The following NLRC3 variants were observed in gnomAD, a reference collection of about 807,000 sequenced individuals.
NLRC3 encodes NLR family CARD domain-containing protein 3.
NLRC3 carries 87 observed loss-of-function variants against 91.6 expected under a neutral mutation model. The observed-to-expected ratio is 0.95, with a 90% CI of 0.80 to 1.14. NLRC3 has a LOEUF of 1.14. NLRC3 is among the 50% of genes most tolerant of loss of function. The pLI is 0.00. For missense variants in NLRC3, 1,577 were observed against 1,418.6 expected (o/e 1.11, Z -1.79); for synonymous variants, 694 against 625.3 (o/e 1.11, Z -1.64).
At chr16:3,548,350 C>T in intron 14 of NLRC3, 132 bp from the exon 15 acceptor site, 4 of 736,652 alleles carry the variant, frequency 5.4e-6, no homozygotes, top group South Asian at 5.0e-5. Flanking sequence ...CAACCCCTGC[C>T]CAGACTTAGT....
At position 3,542,194 on chromosome 16, in the gene NLRC3, A is replaced by G. The variant is rs1407922012; in HGVS notation, c.3104T>C (p.Ile1035Thr). Residue 1035 changes from isoleucine (I) to threonine (T), a missense_variant, in exon 19 of 20, where the codon ATC becomes ACC. By Grantham distance (89) the Ile-to-Thr change is moderately conservative (BLOSUM62 -1). Transcript: ENST00000359128. ...ALSGNHRLQH[I>T]NLQGNHIGDS... The stretch of plus-strand genomic sequence containing the variant: ...CAGGAAGGGCAGGTGCACTCACTTG[A>G]TATGCTGGAGCCTGTGGTTTCCAGA... The G allele has an allele frequency of 1.3e-6, 2 of 1,577,258 alleles. No individual in the cohort carries two copies. Among genetic ancestry groups the G allele is most frequent in the Non-Finnish European group, 1.7e-6 (2 of 1,159,128 alleles).
In NLRC3 at chr16:3,541,906, T is replaced by A. The variant is rs749880517; in HGVS notation, c.3117A>T (p.Gly1039=). ...NHRLQHINLQ[G]NHIGDSGARM... is the part of the protein sequence containing the mutation. ...TGGCCCCGGAGTCCCCAATGTGGTT[T>A]CCCTGGAGACTAGAAGAGTAGGGTT... is the stretch of plus-strand genomic sequence containing the variant. Residue 1039 remains glycine (G), a synonymous_variant, in exon 20 of 20, where the codon GGA becomes GGT. Coordinates refer to ENST00000359128, the MANE Select transcript of NLRC3 (RefSeq NM_178844.4). 1.2e-6 allele frequency: 2 copies of A among 1,606,536 alleles called. No homozygotes were observed. The highest frequency in any genetic ancestry group is 1.7e-5 in the Admixed American group (1 of 59,622).
At chr16:3,542,878 C>G in intron 17 of NLRC3, 103 bp from the exon 18 acceptor site, 2 of 722,862 alleles carry the variant, frequency 2.8e-6, no homozygotes, top group Admixed American at 4.6e-5. Flanking sequence ...GAAACAAGGA[C>G]TTCAGCAGTC....
At chr16:3,576,302 C>A (rs2040289494) in intron 1 of NLRC3, among the ~76,000 whole-genome samples, 1 of 152,220 alleles carries the variant, frequency 6.6e-6, no homozygotes, top group Admixed American at 6.5e-5. Flanking sequence ...CTCTCTCGAC[C>A]CTTGTCTCAC....
rs1466101713 is a variant in NLRC3 at position 3,556,157 on chromosome 16, C to T, written c.2183+754G>A. Among the ~76,000 whole-genome samples the T allele has an allele frequency of 5.2e-4, 78 of 149,196 alleles. 1 individual carries two copies. Among genetic ancestry groups the T allele is most frequent in the African/African-American group, 1.7e-3 (70 of 40,968 alleles). Reference sequence around the variant, plus strand: ...CAGCCTGGTCAAAATGGTGAAAGCTCGTCTCTACTAAAAATACAAAAAAAT... The same window carrying T: ...CAGCCTGGTCAAAATGGTGAAAGCTTGTCTCTACTAAAAATACAAAAAAAT... On this transcript the variant is annotated intron_variant, in intron 8 of 19. Transcript: ENST00000359128.
chr16:3,572,155 T>C (rs2040119795), intron 1 of NLRC3, among the ~76,000 whole-genome samples: 1 of 152,034 alleles, frequency 6.6e-6, no homozygotes, highest in Non-Finnish European at 1.5e-5. Context: ...TTCATAGAAG[T>C]ATAAATGACC....
intron 17 of NLRC3, chr16:3,543,038 A>G: frequency 1.9e-6 from 1 of 524,166 alleles, no homozygotes. Flanking sequence ...AGCGGGGCTG[A>G]GACAGGAGAG....
rs1176134081 is a variant in NLRC3, at chr16:3,563,811, C to A, written c.1126G>T (p.Gly376Trp). ...WYFRMALSGE[G>W]QEKGKASPRI... ...GGGCTTGCCTTGCCCTTCTCCTGCC[C>A]CTCCCCGCTGAGGGCCATCCTAAAG... The change falls in exon 5 of 20, where the codon GGG (glycine) becomes TGG (tryptophan). Residue 376 changes from glycine to tryptophan, a missense_variant. Physicochemically the swap from Gly to Trp is radical, Grantham distance 184. Coordinates refer to ENST00000359128, the MANE Select transcript of NLRC3 (RefSeq NM_178844.4). The A allele has an allele frequency of 1.2e-6, 2 of 1,610,460 alleles. No individual in the cohort carries two copies. Among genetic ancestry groups the A allele is most frequent in the African/African-American group, 2.7e-5 (2 of 74,906 alleles).
Position 3,563,540 on chromosome 16 carries a change from T to C in NLRC3, c.1397A>G (p.Tyr466Cys), listed in dbSNP as rs766185898. The C allele has an allele frequency of 3.1e-6, 5 of 1,609,382 alleles. No individual in the cohort carries two copies. In the East Asian group the frequency reaches 6.7e-5, roughly 22 times the overall value. ...GGCCCTCCTGGATGCGCCATAGTAA[T>C]ACGCGGCTGCCACAAACTCCTGCAG... is the stretch of plus-strand genomic sequence containing the variant. ...LSLQEFVAAAYYYGASRRAIF... is the reference protein window; with the variant it reads ...LSLQEFVAAACYYGASRRAIF... Residue 466 changes from tyrosine to cysteine, a missense_variant, in exon 5 of 20, where the codon TAT (tyrosine) becomes TGT (cysteine). Coordinates refer to ENST00000359128, the MANE Select transcript of NLRC3 (RefSeq NM_178844.4).
chr16:3,570,348 A>C (rs2040055884), intron 1 of NLRC3, among the ~76,000 whole-genome samples: 2 of 152,188 alleles, frequency 1.3e-5, no homozygotes, highest in South Asian at 4.1e-4. Flanking sequence ...CATATGATTT[A>C]TTTCTCTTCA....
chr16:3,563,334 C>G lies in NLRC3; in HGVS notation c.1603G>C (p.Ala535Pro). ...VNALLAGSLL[A>P]QGEHQAYRTQ... ...CGGTAGGCCTGGTGCTCGCCTTGGG[C>G]CAGCAGGGAGCCGGCCAGGAGGGCA... is the stretch of plus-strand genomic sequence containing the variant. Residue 535 changes from alanine (A) to proline (P), a missense_variant, in exon 5 of 20, where the codon GCC (alanine) becomes CCC (proline). Transcript: ENST00000359128. 12 of 1,594,570 alleles carry G rather than the reference C, an allele frequency of 7.5e-6. No individual in the cohort carries two copies. The highest frequency in any genetic ancestry group is 1.0e-5 in the Non-Finnish European group (12 of 1,171,760).
rs2039686027 is a variant in NLRC3 at position 3,563,153 on chromosome 16, A to G, written c.1784T>C (p.Leu595Pro). 1 of 1,590,044 alleles carries G rather than the reference A, an allele frequency of 6.3e-7. No homozygotes were observed. Among genetic ancestry groups the G allele is most frequent in the Non-Finnish European group, 8.5e-7 (1 of 1,170,312 alleles). The change falls in exon 5 of 20, where the codon CTG becomes CCG. Residue 595 changes from leucine (L) to proline (P), a missense_variant. Physicochemically the swap from Leu to Pro is moderately conservative, Grantham distance 98 (BLOSUM62 -3). Coordinates refer to ENST00000359128, the MANE Select transcript of NLRC3 (RefSeq NM_178844.4). ...EAMESGALAR[L>P]TGPAHRAALA... ...GGCAGCGCGGTGCGCGGGACCAGTC[A>G]GCCTGGCCAGGGCCCCGCTCTCCAT... is the stretch of plus-strand genomic sequence containing the variant.
intron 2 of NLRC3, among the ~76,000 whole-genome samples, chr16:3,566,196 T>C (rs534634550): frequency 6.7e-6 from 1 of 148,268 alleles, no homozygotes; most frequent in South Asian, 2.2e-4. Flanking sequence ...TTACTGATTA[T>C]AATCAATGGA....
intron 9 of NLRC3, among the ~76,000 whole-genome samples, chr16:3,553,370 C>T (rs150350542): frequency 3.6e-3 from 547 of 152,314 alleles, no homozygotes; most frequent in Non-Finnish European, 5.1e-3. Context: ...TCCCTGCCTT[C>T]GGGAATTAGG....
At chr16:3,549,939 C>T (rs2038907785) in intron 11 of NLRC3, among the ~76,000 whole-genome samples, 159 bp from the exon 12 acceptor site, 1 of 152,168 alleles carries the variant, frequency 6.6e-6, no homozygotes, top group African/African-American at 2.4e-5. Context: ...TCTTTCCTCT[C>T]CCAGCCCCCC....
intron 1 of NLRC3, among the ~76,000 whole-genome samples, chr16:3,572,635 A>G (rs902147050): frequency 1.3e-5 from 2 of 152,192 alleles, no homozygotes; most frequent in African/African-American, 4.8e-5. Context: ...AAATTAGTAT[A>G]ACAATTCTGG....
intron 17 of NLRC3, chr16:3,543,132 C>T (rs1416514740): frequency 2.0e-6 from 1 of 488,152 alleles, no homozygotes; most frequent in African/African-American, 1.9e-5. Context: ...GAGCTGTAAC[C>T]TCACCCCAGG....
chr16:3,545,177 G>A (rs1205893251), intron 15 of NLRC3: 2 of 152,260 alleles, frequency 1.3e-5, no homozygotes, highest in Non-Finnish European at 2.9e-5. Flanking sequence ...CGGGCGCAGT[G>A]GCTCACACCT....
At chr16:3,544,084 G>A (rs1410178926) in intron 16 of NLRC3, 162 bp downstream of exon 16, 1 of 588,198 alleles carries the variant, frequency 1.7e-6, no homozygotes. Context: ...CTTGAACCCA[G>A]GAGGTGGAGG....
Sources: allele counts gnomAD v4.1 joint callset (sites outside exome capture counted in the v4.1 genomes callset), GRCh38; gene constraint gnomAD v4.1.1; transcripts MANE v1.5; gene names NCBI Gene and HGNC (gene_info 2026-07-23, HGNC 2026-07-21).